Variants in RGS6 observed in about 807,000 individuals in gnomAD.
The protein encoded by RGS6 is regulator of G-protein signaling 6.
A neutral mutation model predicts 78.5 loss-of-function variants in RGS6; 30 were observed. That is an observed-to-expected ratio of 0.38 (90% CI 0.29 to 0.52). The LOEUF is 0.52. Among genes scored for constraint, RGS6 ranks in the 20% least tolerant of loss-of-function variants. RGS6 has a pLI of 0.85. For missense variants in RGS6, 495 were observed against 609.7 expected (o/e 0.81, Z 1.98); for synonymous variants, 206 against 206.0 (o/e 1.00, Z 0.00).
intron 13 of RGS6, among the ~76,000 whole-genome samples, chr14:72,497,214 G>C (rs1379083005): frequency 6.6e-6 from 1 of 152,146 alleles, no homozygotes. Context: ...TAGCTTAAAA[G>C]TGCCCATTTC....
At chr14:71,871,659 G>A in the RGS6 span, among the ~76,000 whole-genome samples, 1 of 152,048 alleles carries the variant, frequency 6.6e-6, no homozygotes, top group Non-Finnish European at 1.5e-5. Context: ...GTGCCTTGAG[G>A]TCCTCCCTGA....
At chr14:72,590,273 A>G in the RGS6 span, among the ~76,000 whole-genome samples, 3 of 152,260 alleles carry the variant, frequency 2.0e-5, no homozygotes, top group Non-Finnish European at 4.4e-5. Flanking sequence ...ATAACCCAGA[A>G]TCCCATCCTA....
At chr14:71,964,301 GT>G (rs1444157436) in intron 1 of RGS6, among the ~76,000 whole-genome samples, 1 of 152,170 alleles carries the variant, frequency 6.6e-6, no homozygotes, top group Non-Finnish European at 1.5e-5. Context: ...AACGTCAGAA[GT>G]TTGTGACCAG....
At chr14:72,135,877 G>A (rs1199848798) in intron 2 of RGS6, among the ~76,000 whole-genome samples, 1 of 152,066 alleles carries the variant, frequency 6.6e-6, no homozygotes, top group African/African-American at 2.4e-5. Context: ...AGGAGGAAGA[G>A]GAGGAGGAGA....
chr14:72,628,779 T>C, the RGS6 span, among the ~76,000 whole-genome samples: 7,948 of 151,950 alleles, frequency 0.052, 381 homozygotes, highest in African/African-American at 0.12. Context: ...CAGAGGAAAA[T>C]GTCAGACAGC....
rs111773755 is a variant in RGS6 at position 72,176,904 on chromosome 14, A to G, written c.85-175191A>G. Among the ~76,000 whole-genome samples, 1,155 of 152,194 alleles carry G rather than the reference A, an allele frequency of 7.6e-3. 12 individuals carry two copies. The highest frequency in any genetic ancestry group is 0.025 in the African/African-American group (1,048 of 41,506). On this transcript the variant is annotated intron_variant, in intron 2 of 17. Coordinates refer to ENST00000553525, the MANE Select transcript of RGS6 (RefSeq NM_001204424.2). ...GAAGGAGCTCTTGTGCCCCTTTCCA[A>G]TCTCTCCCCAAGATAACCATTATTC...
rs751369958 is a variant in RGS6 at position 72,191,966 on chromosome 14, G to A, written c.85-160129G>A. ...AGGCTCCTCTGCTAGGTGTCCTCAG[G>A]GTGGTGCGTGGGGGTCGTTAGTGTT... On this transcript the variant is annotated intron_variant, in intron 2 of 17. Transcript: ENST00000553525. 3.3e-5 allele frequency among the ~76,000 whole-genome samples: 5 copies of A among 152,252 alleles called. No homozygotes were observed. The South Asian group carries it at 8.3e-4, about 25-fold the overall frequency.
At chr14:72,550,228 A>G (rs1411447275) in intron 17 of RGS6, among the ~76,000 whole-genome samples, 2 of 152,200 alleles carry the variant, frequency 1.3e-5, no homozygotes, top group African/African-American at 4.8e-5. Context: ...TTTACAGCTA[A>G]AGAAAGCCCA....
chr14:72,247,738 A>C (rs2054589812), intron 2 of RGS6, among the ~76,000 whole-genome samples: 1 of 152,178 alleles, frequency 6.6e-6, no homozygotes, highest in African/African-American at 2.4e-5. Flanking sequence ...GGAGTGGGTT[A>C]GTTATCGAGA....
At chr14:72,131,050 T>C (rs185850071) in intron 2 of RGS6, among the ~76,000 whole-genome samples, 25 of 152,340 alleles carry the variant, frequency 1.6e-4, no homozygotes, top group Admixed American at 1.4e-3. Flanking sequence ...ACCGACTGTC[T>C]CCATCGTTGC....
intron 2 of RGS6, among the ~76,000 whole-genome samples, chr14:72,104,429 CTAAT>C (rs1282043199): frequency 1.3e-5 from 2 of 152,144 alleles, no homozygotes; most frequent in African/African-American, 4.8e-5. Flanking sequence ...TATGTATAAA[CTAAT>C]TATGCTTGCT....
chr14:72,379,861 G>A (rs1258358144), intron 3 of RGS6, among the ~76,000 whole-genome samples: 2 of 151,944 alleles, frequency 1.3e-5, no homozygotes, highest in African/African-American at 2.4e-5. Flanking sequence ...AATAGCCAAG[G>A]CAATCCTCAG....
At chr14:72,179,148 C>T (rs190365877) in intron 2 of RGS6, among the ~76,000 whole-genome samples, 78 of 152,288 alleles carry the variant, frequency 5.1e-4, no homozygotes, top group East Asian at 3.9e-3. Context: ...AGTGAGCCCC[C>T]GCATTGGAAC....
intron 2 of RGS6, among the ~76,000 whole-genome samples, chr14:72,248,098 A>G (rs2054684672): frequency 1.3e-5 from 2 of 152,214 alleles, no homozygotes; most frequent in Admixed American, 1.3e-4. Context: ...TTCTCAAAAT[A>G]TGATCCAGGG....
At chr14:72,018,626 C>T (rs191864831) in intron 2 of RGS6, among the ~76,000 whole-genome samples, 4 of 152,320 alleles carry the variant, frequency 2.6e-5, no homozygotes, top group South Asian at 2.1e-4. Flanking sequence ...CAGAAACATA[C>T]GAGTCTCTTT....
chr14:72,486,456 G>A (rs1236283340), intron 12 of RGS6, among the ~76,000 whole-genome samples: 1 of 151,976 alleles, frequency 6.6e-6, no homozygotes, highest in East Asian at 1.9e-4. Context: ...CAATTCTCAG[G>A]AGACAAGCAG....
chr14:72,478,112 A>G (rs540142988), intron 11 of RGS6, among the ~76,000 whole-genome samples, 156 bp from the exon 12 acceptor site: 2 of 152,276 alleles, frequency 1.3e-5, no homozygotes, highest in African/African-American at 4.8e-5. Flanking sequence ...CCAGAGGCAC[A>G]AGTAATTTGC....
At chr14:72,395,344 A>G (rs1042594947) in intron 3 of RGS6, among the ~76,000 whole-genome samples, 4 of 152,210 alleles carry the variant, frequency 2.6e-5, no homozygotes, top group Non-Finnish European at 5.9e-5. Context: ...ATACATATAT[A>G]TGGATACATC....
chr14:72,185,061 C>A (rs2097221001), intron 2 of RGS6, among the ~76,000 whole-genome samples: 1 of 152,130 alleles, frequency 6.6e-6, no homozygotes, highest in Admixed American at 6.5e-5. Context: ...TGGTGTAAAT[C>A]CAAGAGTCCA....
Sources: allele counts gnomAD v4.1 joint callset (sites outside exome capture counted in the v4.1 genomes callset), GRCh38; gene constraint gnomAD v4.1.1; transcripts MANE v1.5; gene names NCBI Gene and HGNC (gene_info 2026-07-23, HGNC 2026-07-21).